CDS2: variants seen among roughly 807,000 people sequenced by gnomAD.
CDS2 encodes phosphatidate cytidylyltransferase 2.
Under a neutral mutation model 59.0 loss-of-function variants are expected in CDS2, and 47 were observed. The ratio of observed to expected loss-of-function variants is 0.80; its 90% CI spans 0.63 to 1.02. The LOEUF is 1.02. CDS2 is among the 50% of genes least tolerant of loss of function. The probability of loss-of-function intolerance (pLI) is 0.00; values close to 1 mark genes in which losing one functional copy is unlikely to be tolerated. For synonymous variants in CDS2, 207 were observed against 206.4 expected, an observed-to-expected ratio of 1.00 and a Z score of -0.02; for missense variants, 356 against 558.9, an observed-to-expected ratio of 0.64 and a Z score of 3.66.
chr20:5,132,001 A>G (rs759707780), intron 1 of CDS2, among the ~76,000 whole-genome samples: 28 of 152,234 alleles, frequency 1.8e-4, no homozygotes, highest in Non-Finnish European at 8.8e-5. Flanking sequence ...TTCAAGTTAT[A>G]TATATTTGTA....
chr20:5,186,808 T>A lies in CDS2; in HGVS notation c.950T>A (p.Ile317Asn). The change falls in exon 10 of 13, where the codon ATT becomes AAT. Residue 317 changes from isoleucine to asparagine, a missense_variant. Physicochemically the swap from Ile to Asn is moderately radical, Grantham distance 149. Transcript: ENST00000460006. ...CTGTTTCGCCTGCAGGAGTACAACA[T>A]TCCTGGGGTGATCCAGTCAGTCATT... is the stretch of plus-strand genomic sequence containing the variant. ...SDLFRLQEYN[I>N]PGVIQSVIGW... The A allele has an allele frequency of 6.2e-7, 1 of 1,614,150 alleles. No individual in the cohort carries two copies. Among genetic ancestry groups the A allele is most frequent in the Non-Finnish European group, 8.5e-7 (1 of 1,180,020 alleles).
At chr20:5,161,135 A>G (rs946302467) in intron 1 of CDS2, among the ~76,000 whole-genome samples, 2 of 152,216 alleles carry the variant, frequency 1.3e-5, no homozygotes, top group Non-Finnish European at 2.9e-5. Flanking sequence ...CAGGCTGTTT[A>G]CTATAGCAGC....
chr20:5,159,905 C>G (rs1278363847), intron 1 of CDS2, among the ~76,000 whole-genome samples: 2 of 152,158 alleles, frequency 1.3e-5, no homozygotes, highest in African/African-American at 4.8e-5. Flanking sequence ...GTATAAATTA[C>G]TGACACATTT....
At chr20:5,183,962 C>T (rs372423811) in intron 7 of CDS2, among the ~76,000 whole-genome samples, 72 of 152,252 alleles carry the variant, frequency 4.7e-4, no homozygotes, top group African/African-American at 1.6e-3. Context: ...TGAAGACCGG[C>T]CTGGGCAACA....
intron 1 of CDS2, among the ~76,000 whole-genome samples, chr20:5,134,865 C>CAAT (rs1555779952): frequency 6.6e-6 from 1 of 152,058 alleles, no homozygotes; most frequent in Non-Finnish European, 1.5e-5. Context: ...GCATGAGAGT[C>CAAT]TAACAGCTGA....
At chr20:5,150,433 C>T (rs577521187) in intron 1 of CDS2, among the ~76,000 whole-genome samples, 12 of 152,326 alleles carry the variant, frequency 7.9e-5, no homozygotes, top group Middle Eastern at 3.4e-3. Flanking sequence ...TCCTGGTCTC[C>T]GCCAGTCATT....
chr20:5,189,681 G>A (rs2091097776), intron 11 of CDS2, 54 bp from the exon 12 acceptor site: 16 of 1,333,834 alleles, frequency 1.2e-5, no homozygotes, highest in Non-Finnish European at 1.7e-5. Context: ...CATTAGGCTG[G>A]GATTGGTTAG....
At chr20:5,152,284 C>T (rs963855004) in intron 1 of CDS2, among the ~76,000 whole-genome samples, 3 of 152,022 alleles carry the variant, frequency 2.0e-5, no homozygotes, top group Admixed American at 1.3e-4. Context: ...AGAATCCCAC[C>T]CTTTTGTTTG....
intron 1 of CDS2, among the ~76,000 whole-genome samples, chr20:5,127,663 G>A (rs558203757): frequency 6.6e-6 from 1 of 152,308 alleles, no homozygotes; most frequent in African/African-American, 2.4e-5. Flanking sequence ...GAGCAAAGGG[G>A]TGTTACCCAG....
rs1223561728 is a variant in CDS2 at position 5,191,904 on chromosome 20, C to T, written c.*1670C>T. The T allele has an allele frequency of 3.3e-5, 5 of 152,188 alleles. No individual in the cohort carries two copies. Among genetic ancestry groups the T allele is most frequent in the Non-Finnish European group, 5.9e-5 (4 of 68,044 alleles). 9.4% of individuals were successfully genotyped at this position (152,188 alleles called of 1,614,324 possible). A position where few individuals can be genotyped will look rare whatever the true frequency, so the allele number is the denominator to read the frequency against. ...GCTGTGTCACTGGCAGGATGCATCA[C>T]TCTCCAGGGCCTCTTTTTCGGAGCT... On this transcript the variant is annotated 3_prime_UTR_variant, in exon 13 of 13. Coordinates refer to ENST00000460006, the MANE Select transcript of CDS2 (RefSeq NM_003818.4).
At chr20:5,168,667 G>A in intron 1 of CDS2, 1 of 517,836 alleles carries the variant, frequency 1.9e-6, no homozygotes. Flanking sequence ...ATGCTGTCCA[G>A]GAAGCCTCCC....
intron 1 of CDS2, chr20:5,128,782 C>T (rs961185609): frequency 6.6e-6 from 1 of 152,068 alleles, no homozygotes; most frequent in African/African-American, 2.4e-5. Flanking sequence ...GGCTCTGTAG[C>T]TCTGTTTAAG....
At chr20:5,162,594 G>T (rs1395013531) in intron 1 of CDS2, among the ~76,000 whole-genome samples, 2 of 152,170 alleles carry the variant, frequency 1.3e-5, no homozygotes, top group Non-Finnish European at 2.9e-5. Context: ...TTGGAAATAT[G>T]AATCTGAAGC....
At position 5,175,228 on chromosome 20, in the gene CDS2, T is replaced by G. The variant is rs1460883873; in HGVS notation, c.240T>G (p.Ile80Met). Residue 80 changes from isoleucine (I) to methionine (M), a missense_variant, in exon 3 of 13, where the codon ATT (isoleucine) becomes ATG (methionine). This residue lies in a region of CDS2 where 107 missense variants were observed against 129.7 expected (regional missense o/e 0.82). Coordinates refer to ENST00000460006, the MANE Select transcript of CDS2 (RefSeq NM_003818.4). ...WVRGILTLAMIAFFFIIIYLG... is the reference protein window; with the variant it reads ...WVRGILTLAMMAFFFIIIYLG... ...GAGGCATCCTGACTTTGGCCATGATTGCATTTTTCTTCATCATCATTTACC... is the reference window on the plus strand; with the variant it reads ...GAGGCATCCTGACTTTGGCCATGATGGCATTTTTCTTCATCATCATTTACC... The G allele has an allele frequency of 6.2e-7, 1 of 1,614,220 alleles. No homozygotes were observed. Among genetic ancestry groups the G allele is most frequent in the South Asian group, 1.1e-5 (1 of 91,086 alleles).
At chr20:5,172,911 C>G (rs774500557) in intron 1 of CDS2, among the ~76,000 whole-genome samples, 20 of 152,260 alleles carry the variant, frequency 1.3e-4, no homozygotes, top group African/African-American at 4.8e-4. Flanking sequence ...GGGTGACTTC[C>G]TGTGGGTCTT....
chr20:5,179,725 CT>C (rs1462958653), intron 5 of CDS2, among the ~76,000 whole-genome samples: 1 of 152,240 alleles, frequency 6.6e-6, no homozygotes, highest in Non-Finnish European at 1.5e-5. Flanking sequence ...AGTCTCAGCT[CT>C]TTTGTAATCT....
At chr20:5,134,666 G>A (rs543341509) in intron 1 of CDS2, among the ~76,000 whole-genome samples, 78 of 151,984 alleles carry the variant, frequency 5.1e-4, no homozygotes, top group Middle Eastern at 3.4e-3. Context: ...GATTACAGGC[G>A]CCCACCATCA....
At chr20:5,159,167 C>A (rs1487959806) in intron 1 of CDS2, among the ~76,000 whole-genome samples, 1 of 151,536 alleles carries the variant, frequency 6.6e-6, no homozygotes. Flanking sequence ...GTTACATTTT[C>A]TTTTTTTTAA....
rs576596370 is a variant in CDS2 at position 5,127,045 on chromosome 20, G to C, written c.-48G>C. On this transcript the variant is annotated 5_prime_UTR_variant, in exon 1 of 13. Transcript: ENST00000460006. ...GTGCCCGCGCCGAGCTGCCTGCTCC[G>C]GCGGCTTCGCTGCTAGCTCGCGGCG... The C allele has an allele frequency of 4.1e-6, 6 of 1,475,860 alleles. No homozygotes were observed. Among genetic ancestry groups the C allele is most frequent in the South Asian group, 1.3e-5 (1 of 77,024 alleles). The allele number at this position is 1,475,860 out of a possible 1,614,324, so 91.4% of individuals were successfully genotyped here.
Sources: allele counts gnomAD v4.1 joint callset (sites outside exome capture counted in the v4.1 genomes callset), GRCh38; gene constraint gnomAD v4.1.1; regional missense constraint gnomAD v4.1.1; transcripts MANE v1.5; gene names NCBI Gene and HGNC (gene_info 2026-07-23, HGNC 2026-07-21).